Variants in PITPNC1 observed in about 807,000 individuals in gnomAD.
PITPNC1 encodes the protein cytoplasmic phosphatidylinositol transfer protein 1.
A neutral mutation model predicts 44.7 loss-of-function variants in PITPNC1; 18 were observed. The observed-to-expected ratio is 0.40, with a 90% CI of 0.28 to 0.60. The LOEUF (loss-of-function observed/expected upper bound fraction) is 0.60, where lower values mean the gene tolerates loss of function less well. PITPNC1 is among the 20% of genes least tolerant of loss of function. The probability of loss-of-function intolerance (pLI) is 0.39; values close to 1 mark genes in which losing one functional copy is unlikely to be tolerated. For synonymous variants in PITPNC1, 141 were observed against 149.6 expected (o/e 0.94, Z 0.42); for missense variants, 290 against 418.4 (o/e 0.69, Z 2.68).
chr17:67,684,232 C>T (rs1258623781), intron 8 of PITPNC1, among the ~76,000 whole-genome samples: 3 of 151,316 alleles, frequency 2.0e-5, no homozygotes, highest in African/African-American at 7.3e-5. Context: ...GTACCTCAGC[C>T]TCCTGAGTAG....
At chr17:67,512,275 G>A (rs369804650) in intron 1 of PITPNC1, among the ~76,000 whole-genome samples, 2 of 152,188 alleles carry the variant, frequency 1.3e-5, no homozygotes, top group Non-Finnish European at 2.9e-5. Context: ...CAGGCGGGCG[G>A]ATCATTTGAG....
chr17:67,647,386 G>A (rs1030748801), intron 6 of PITPNC1, among the ~76,000 whole-genome samples: 1 of 150,050 alleles, frequency 6.7e-6, no homozygotes, highest in African/African-American at 2.5e-5. Flanking sequence ...GACCTCCTGG[G>A]TTTAAGCCAT....
chr17:67,426,067 T>C (rs1328457346), intron 1 of PITPNC1, among the ~76,000 whole-genome samples: 2 of 152,228 alleles, frequency 1.3e-5, no homozygotes, highest in Non-Finnish European at 1.5e-5. Context: ...TCTTTGGAGC[T>C]TGAAAATCAT....
intron 1 of PITPNC1, among the ~76,000 whole-genome samples, chr17:67,436,285 T>C (rs2143908928): frequency 6.6e-6 from 1 of 152,316 alleles, no homozygotes; most frequent in South Asian, 2.1e-4. Flanking sequence ...ATTACAGGCC[T>C]GAGCCACCGT....
chr17:67,656,691 T>G (rs2042272274), intron 6 of PITPNC1, among the ~76,000 whole-genome samples: 1 of 152,172 alleles, frequency 6.6e-6, no homozygotes, highest in Non-Finnish European at 1.5e-5. Context: ...GTTTTATAAT[T>G]GGCCAGACCT....
At chr17:67,560,969 G>A (rs2040899482) in intron 4 of PITPNC1, among the ~76,000 whole-genome samples, 1 of 151,986 alleles carries the variant, frequency 6.6e-6, no homozygotes, top group Non-Finnish European at 1.5e-5. Context: ...CTTCTTTTTT[G>A]TTTATTTTCC....
At chr17:67,557,932 G>T (rs556675529) in intron 4 of PITPNC1, among the ~76,000 whole-genome samples, 1 of 152,310 alleles carries the variant, frequency 6.6e-6, no homozygotes, top group South Asian at 2.1e-4. Context: ...CAGAGCCCCA[G>T]TTAGGATCAC....
chr17:67,516,084 C>A (rs1386292829), intron 1 of PITPNC1, among the ~76,000 whole-genome samples: 1 of 152,184 alleles, frequency 6.6e-6, no homozygotes, highest in Non-Finnish European at 1.5e-5. Flanking sequence ...CCCTGGGTTA[C>A]TTCCCCTGTG....
At chr17:67,419,665 G>A (rs2038641825) in intron 1 of PITPNC1, among the ~76,000 whole-genome samples, 3 of 152,208 alleles carry the variant, frequency 2.0e-5, no homozygotes, top group Admixed American at 2.0e-4. Context: ...CAGCACTTTG[G>A]GAGGCCGACG....
At chr17:67,570,738 C>G (rs563033595) in intron 4 of PITPNC1, among the ~76,000 whole-genome samples, 1 of 151,890 alleles carries the variant, frequency 6.6e-6, no homozygotes, top group South Asian at 2.1e-4. Flanking sequence ...GGAAAAGAAG[C>G]TGCGGTTTGA....
At chr17:67,549,719 G>A (rs1292902689) in intron 2 of PITPNC1, among the ~76,000 whole-genome samples, 1 of 152,230 alleles carries the variant, frequency 6.6e-6, no homozygotes, top group African/African-American at 2.4e-5. Flanking sequence ...CTATGCATGA[G>A]GATTGGAGTG....
At chr17:67,428,741 G>A (rs2038809987) in intron 1 of PITPNC1, among the ~76,000 whole-genome samples, 1 of 151,284 alleles carries the variant, frequency 6.6e-6, no homozygotes, top group Non-Finnish European at 1.5e-5. Context: ...TTTACCTGCA[G>A]TAAGTACGTT....
chr17:67,416,203 CTTTTT>C (rs71687631), intron 1 of PITPNC1, among the ~76,000 whole-genome samples: 2 of 67,614 alleles, frequency 3.0e-5, no homozygotes, highest in Non-Finnish European at 5.1e-5. Flanking sequence ...ACATGTATTG[CTTTTT>C]TTTTTTTTTT....
At chr17:67,473,868 C>T (rs1016133313) in intron 1 of PITPNC1, among the ~76,000 whole-genome samples, 1 of 152,186 alleles carries the variant, frequency 6.6e-6, no homozygotes, top group East Asian at 1.9e-4. Context: ...TAATGTTCTC[C>T]TGGTGATTTT....
At chr17:67,385,949 C>T (rs2038042450) in intron 1 of PITPNC1, among the ~76,000 whole-genome samples, 1 of 152,104 alleles carries the variant, frequency 6.6e-6, no homozygotes, top group Non-Finnish European at 1.5e-5. Flanking sequence ...ATACAGGGAT[C>T]AGGGAAGCAA....
At chr17:67,602,089 G>A (rs2041547694) in intron 5 of PITPNC1, among the ~76,000 whole-genome samples, 1 of 152,118 alleles carries the variant, frequency 6.6e-6, no homozygotes, top group Non-Finnish European at 1.5e-5. Context: ...TTGAATGAGT[G>A]GTACCATCAG....
chr17:67,558,601 G>A (rs1436595480), intron 4 of PITPNC1, among the ~76,000 whole-genome samples: 3 of 152,132 alleles, frequency 2.0e-5, no homozygotes, highest in South Asian at 2.1e-4. Flanking sequence ...GAAATGGATA[G>A]CAGGGACCTA....
chr17:67,464,384 C>A (rs1381343038), intron 1 of PITPNC1, among the ~76,000 whole-genome samples: 1 of 152,118 alleles, frequency 6.6e-6, no homozygotes, highest in Non-Finnish European at 1.5e-5. Flanking sequence ...TTTCTCAGAA[C>A]GTCCTGCTGT....
chr17:67,593,296 C>CTTT (rs922424785), intron 5 of PITPNC1, among the ~76,000 whole-genome samples: 5 of 138,278 alleles, frequency 3.6e-5, no homozygotes, highest in African/African-American at 1.1e-4. Flanking sequence ...GAAATTTTCT[C>CTTT]TTTTTTTTTT....
Sources: gnomAD v4.1 joint callset for allele counts (sites outside exome capture counted in the v4.1 genomes callset) on GRCh38, gnomAD v4.1.1 for gene constraint, MANE v1.5 for transcripts, NCBI Gene and HGNC (gene_info 2026-07-23, HGNC 2026-07-21) for gene names.